Variants in ARAP1 observed in about 807,000 individuals in gnomAD.
The protein encoded by ARAP1 is ArfGAP with RhoGAP domain, ankyrin repeat and PH domain 1.
ARAP1 carries 76 observed loss-of-function variants against 172.2 expected under a neutral mutation model. The observed-to-expected ratio is 0.44, with a 90% confidence interval of 0.37 to 0.53. The LOEUF (loss-of-function observed/expected upper bound fraction) is 0.53. Among genes scored for constraint, ARAP1 ranks in the 20% least tolerant of loss-of-function variants. The pLI, the probability that ARAP1 is intolerant of heterozygous loss-of-function variation, is 0.00. For synonymous variants in ARAP1, 804 were observed against 803.3 expected (o/e 1.00, Z -0.01); for missense variants, 1,686 against 1,977.5 (o/e 0.85, Z 2.80).
rs1858197483 is a variant in ARAP1 at position 72,741,478 on chromosome 11, T to C, written c.-127-8881A>G. Among the ~76,000 whole-genome samples the C allele has an allele frequency of 6.6e-6, 1 of 152,084 alleles. No homozygotes were observed. Among genetic ancestry groups the C allele is most frequent in the South Asian group, 2.1e-4 (1 of 4,832 alleles). ...AAGACAGGGCTCTGGCCTGGCTCCCTGGCCCTCAGGCACAGACACACTCTA... is the reference window on the plus strand; with the variant it reads ...AAGACAGGGCTCTGGCCTGGCTCCCCGGCCCTCAGGCACAGACACACTCTA... On this transcript the variant is annotated intron_variant, in intron 1 of 34. Coordinates refer to ENST00000393609, the MANE Select transcript of ARAP1 (RefSeq NM_001040118.3). The surrounding 1 kb of genome is among the most constrained non-coding windows in gnomAD (Gnocchi z 4.5).
At chr11:72,723,595 G>C (rs1009561265) in intron 3 of ARAP1, among the ~76,000 whole-genome samples, 6 of 152,212 alleles carry the variant, frequency 3.9e-5, no homozygotes, top group Admixed American at 3.9e-4. Context: ...AGTAGGATGG[G>C]GGACAGGGAG....
At chr11:72,737,780 T>C (rs548314538) in intron 1 of ARAP1, among the ~76,000 whole-genome samples, 26 of 152,226 alleles carry the variant, frequency 1.7e-4, no homozygotes, top group African/African-American at 4.8e-4. Flanking sequence ...GCATGCACCA[T>C]GCCTGGCTAA....
intron 1 of ARAP1, among the ~76,000 whole-genome samples, chr11:72,743,876 CT>C (rs892350323): frequency 6.6e-6 from 1 of 152,020 alleles, no homozygotes; most frequent in Non-Finnish European, 1.5e-5. Context: ...GCTACCTCTC[CT>C]GCCTGCCTAC....
intron 1 of ARAP1, among the ~76,000 whole-genome samples, chr11:72,732,889 G>A (rs1857906284): frequency 6.6e-6 from 1 of 152,040 alleles, no homozygotes; most frequent in African/African-American, 2.4e-5. Flanking sequence ...AGGCTGAGGT[G>A]GGAGAATCAC....
At chr11:72,705,478 GT>G (rs1352141137) in intron 13 of ARAP1, 1 of 277,838 alleles carries the variant, frequency 3.6e-6, no homozygotes, top group African/African-American at 2.2e-5. Context: ...TAGATCAGAA[GT>G]TAGCAAATTC....
chr11:72,699,617 T>A lies in ARAP1; in HGVS notation c.2303-65A>T. On this transcript the variant is annotated intron_variant, in intron 16 of 34. Transcript: ENST00000393609. This position sits in a 1 kb window ranked among gnomAD's most constrained non-coding sequence, Gnocchi z 4.2. ...CCACCACCTGAAAACCACCTCTGCA[T>A]CCTCCCGGGGCTCCTGCTCCCATCT... 6.4e-7 allele frequency: 1 copy of A among 1,556,042 alleles called. No homozygotes were observed. The highest frequency in any genetic ancestry group is 2.4e-5 in the East Asian group (1 of 41,776).
At chr11:72,704,541 A>C in intron 13 of ARAP1, 2 of 568,328 alleles carry the variant, frequency 3.5e-6, no homozygotes, top group Non-Finnish European at 6.1e-6. Flanking sequence ...CCTAGGTCTC[A>C]GGCTCAGTGA....
chr11:72,697,954 C>A lies in ARAP1; in HGVS notation c.2694G>T (p.Gly898=). 6.2e-7 allele frequency: 1 copy of A among 1,611,196 alleles called. No homozygotes were observed. The highest frequency in any genetic ancestry group is 8.5e-7 in the Non-Finnish European group (1 of 1,178,920). Residue 898 remains glycine, a synonymous_variant, in exon 19 of 35, where the codon GGG becomes GGT. Coordinates refer to ENST00000393609, the MANE Select transcript of ARAP1 (RefSeq NM_001040118.3). The part of the protein sequence containing the change: ...GSELRAVFPE[G]PCEEPLQLRK... ...GTAGTTGCAGCGGCTCTTCGCAGGG[C>A]CCCTCCGGGAAGACAGCACGGAGCT...
At chr11:72,732,003 ATATGT>A (rs1356881451) in intron 2 of ARAP1, among the ~76,000 whole-genome samples, 1 of 152,212 alleles carries the variant, frequency 6.6e-6, no homozygotes, top group Non-Finnish European at 1.5e-5. Context: ...AAAAATATAC[ATATGT>A]TATATATATA....
chr11:72,713,629 C>T (rs1394743167), intron 4 of ARAP1, among the ~76,000 whole-genome samples: 10 of 152,104 alleles, frequency 6.6e-5, no homozygotes, highest in Admixed American at 3.9e-4. Context: ...GGGCAGATCA[C>T]GAACTCAGGA....
chr11:72,694,683 T>C (rs947023893), intron 27 of ARAP1, among the ~76,000 whole-genome samples: 1 of 152,014 alleles, frequency 6.6e-6, no homozygotes, highest in African/African-American at 2.4e-5. Flanking sequence ...GTAAAACAAA[T>C]GAACAGATAC....
At chr11:72,734,629 C>T (rs1333347009) in intron 1 of ARAP1, among the ~76,000 whole-genome samples, 1 of 152,118 alleles carries the variant, frequency 6.6e-6, no homozygotes, top group African/African-American at 2.4e-5. Flanking sequence ...TGATTGCTAT[C>T]CCTGTTTTAA....
chr11:72,693,026 C>G lies in ARAP1; in HGVS notation c.3955-241G>C. 1.6e-6 allele frequency: 1 copy of G among 645,086 alleles called. No individual in the cohort carries two copies. The highest frequency in any genetic ancestry group is 2.7e-6 in the Non-Finnish European group (1 of 369,142). 40.0% of individuals were successfully genotyped at this position (645,086 alleles called of 1,614,324 possible). A position where few individuals can be genotyped will look rare whatever the true frequency, so the allele number is the denominator to read the frequency against. On this transcript the variant is annotated intron_variant, in intron 29 of 34. Transcript: ENST00000393609. This position sits in a 1 kb window ranked among gnomAD's most constrained non-coding sequence, Gnocchi z 4.6. ...TGCATGCACAACTTGGGGCTGTCAT[C>G]AAGTAACAGGTTCCTGTGGATGCAG... is the stretch of plus-strand genomic sequence containing the variant.
rs181019426 is a variant in ARAP1 at position 72,688,342 on chromosome 11, C to A, written c.4070+113G>T. ...GCTGCTGGTCTGGAGACCACACCAT[C>A]AGAGCCCCTGCACCTATCTCTGTCA... On this transcript the variant is annotated intron_variant, in intron 31 of 34. Transcript: ENST00000393609. 1,894 of 910,650 alleles carry A rather than the reference C, an allele frequency of 2.1e-3. 8 individuals are homozygous for A. Among genetic ancestry groups the A allele is most frequent in the Non-Finnish European group, 1.6e-3 (967 of 588,926 alleles). The allele number at this position is 910,650 out of a possible 1,614,324, so 56.4% of individuals were successfully genotyped here.
chr11:72,750,576 A>T (rs1591258041), intron 1 of ARAP1, among the ~76,000 whole-genome samples: 1 of 152,040 alleles, frequency 6.6e-6, no homozygotes, highest in East Asian at 1.9e-4. Context: ...GACTTAGCAG[A>T]TAGGCCTATT....
intron 1 of ARAP1, among the ~76,000 whole-genome samples, chr11:72,743,908 A>C (rs1591250903): frequency 6.6e-6 from 1 of 151,116 alleles, no homozygotes; most frequent in Non-Finnish European, 1.5e-5. Flanking sequence ...ACCCCCCATT[A>C]CCCAGTGGGG....
At chr11:72,703,946 C>T (rs779950612) in intron 14 of ARAP1, 16 of 603,944 alleles carry the variant, frequency 2.6e-5, no homozygotes, top group Non-Finnish European at 4.0e-5. Context: ...GCCCTTGGCC[C>T]AAGGGTCAGG....
At chr11:72,731,797 C>G (rs933718141) in intron 2 of ARAP1, among the ~76,000 whole-genome samples, 2 of 152,312 alleles carry the variant, frequency 1.3e-5, no homozygotes, top group Admixed American at 6.5e-5. Flanking sequence ...GGAGACTTTT[C>G]ACTTCAACAT....
At chr11:72,705,136 A>C (rs943606579) in intron 13 of ARAP1, 1 of 152,354 alleles carries the variant, frequency 6.6e-6, no homozygotes, top group Non-Finnish European at 1.5e-5. Context: ...TGGAGTCTGC[A>C]GCCTGGGTCT....
Sources: gnomAD v4.1 joint callset for allele counts (sites outside exome capture counted in the v4.1 genomes callset) on GRCh38, gnomAD v4.1.1 for gene constraint, Gnocchi (gnomAD v3.1) non-coding constraint, MANE v1.5 for transcripts, NCBI Gene and HGNC (gene_info 2026-07-23, HGNC 2026-07-21) for gene names.